Variants in SNX29 observed in about 807,000 individuals in gnomAD.
The protein encoded by SNX29 is sorting nexin 29.
SNX29 carries 78 observed loss-of-function variants against 102.1 expected under a neutral mutation model. The ratio of observed to expected loss-of-function variants is 0.76; its 90% CI spans 0.64 to 0.92. The LOEUF (loss-of-function observed/expected upper bound fraction) is 0.92. SNX29 is among the 40% of genes least tolerant of loss of function. The probability of loss-of-function intolerance (pLI) is 0.00; values close to 1 mark genes in which losing one functional copy is unlikely to be tolerated. For missense variants in SNX29, 1,280 were observed against 1,061.7 expected, an observed-to-expected ratio of 1.21 and a Z score of -2.86; for synonymous variants, 580 against 414.5, an observed-to-expected ratio of 1.40 and a Z score of -4.85.
intron 11 of SNX29, chr16:12,087,774 C>T: frequency 2.3e-6 from 1 of 444,122 alleles, no homozygotes; most frequent in South Asian, 1.6e-5. Flanking sequence ...CTCAGAGTCA[C>T]ACAGCCAAAC....
At chr16:12,512,625 A>G (rs965794179) in intron 19 of SNX29, among the ~76,000 whole-genome samples, 5 of 147,750 alleles carry the variant, frequency 3.4e-5, no homozygotes, top group Admixed American at 1.4e-4. Context: ...GGAGACGAGC[A>G]TCCCATGGAT....
chr16:12,555,796 C>G (rs1391894968), intron 20 of SNX29, among the ~76,000 whole-genome samples: 4 of 152,214 alleles, frequency 2.6e-5, no homozygotes, highest in Admixed American at 6.5e-5. Context: ...CAGGCACACT[C>G]CTGCCTGCCT....
intron 15 of SNX29, among the ~76,000 whole-genome samples, chr16:12,301,157 C>G (rs1330027850): frequency 1.3e-5 from 2 of 152,194 alleles, no homozygotes; most frequent in Non-Finnish European, 2.9e-5. Flanking sequence ...GAGTTACAGT[C>G]CCTTCTAAAA....
chr16:12,023,595 G>A (rs1268098088), intron 3 of SNX29, among the ~76,000 whole-genome samples: 13 of 144,172 alleles, frequency 9.0e-5, no homozygotes, highest in Non-Finnish European at 1.2e-4. Context: ...AAAAAGAAAA[G>A]AAAAGAAAAG....
At chr16:12,226,253 C>G (rs1596557339) in intron 14 of SNX29, among the ~76,000 whole-genome samples, 2 of 152,290 alleles carry the variant, frequency 1.3e-5, no homozygotes, top group Admixed American at 1.3e-4. Flanking sequence ...GATGTCGTAA[C>G]CAGCAGAGGC....
intron 20 of SNX29, among the ~76,000 whole-genome samples, chr16:12,549,932 C>G (rs967703948): frequency 1.3e-5 from 2 of 152,176 alleles, no homozygotes; most frequent in Admixed American, 1.3e-4. Flanking sequence ...TACCCTCCAC[C>G]TGTTTTTTAT....
intron 18 of SNX29, among the ~76,000 whole-genome samples, chr16:12,464,442 T>A (rs905403768): frequency 2.0e-5 from 3 of 151,970 alleles, no homozygotes; most frequent in African/African-American, 4.8e-5. Context: ...TATTTTAAAG[T>A]TTCATTTTAT....
intron 14 of SNX29, among the ~76,000 whole-genome samples, chr16:12,262,359 A>G (rs1293952781): frequency 6.6e-6 from 1 of 152,152 alleles, no homozygotes; most frequent in Non-Finnish European, 1.5e-5. Flanking sequence ...TCAGCTATCA[A>G]AATTTAAACT....
At chr16:12,147,194 C>A (rs1426960811) in intron 13 of SNX29, among the ~76,000 whole-genome samples, 1 of 152,212 alleles carries the variant, frequency 6.6e-6, no homozygotes, top group East Asian at 1.9e-4. Context: ...CAGATGTTCC[C>A]TGAAAAATCT....
At chr16:12,518,446 C>A (rs1013874724) in intron 19 of SNX29, among the ~76,000 whole-genome samples, 5 of 152,190 alleles carry the variant, frequency 3.3e-5, no homozygotes, top group South Asian at 2.1e-4. Context: ...GCATGCCCTT[C>A]CCCCACCCTC....
At chr16:12,167,082 T>G (rs13330729) in intron 13 of SNX29, among the ~76,000 whole-genome samples, 6 of 152,178 alleles carry the variant, frequency 3.9e-5, no homozygotes, top group African/African-American at 9.7e-5. Flanking sequence ...ATTTTGACTT[T>G]GTGGGGCATG....
chr16:12,154,610 G>A (rs758506778), intron 13 of SNX29, among the ~76,000 whole-genome samples: 15 of 152,144 alleles, frequency 9.9e-5, no homozygotes, highest in Non-Finnish European at 1.9e-4. Context: ...GCAGGTGACC[G>A]GCAGGTGCCT....
chr16:12,169,540 G>A (rs2076096234), intron 13 of SNX29, among the ~76,000 whole-genome samples: 1 of 152,140 alleles, frequency 6.6e-6, no homozygotes, highest in African/African-American at 2.4e-5. Flanking sequence ...CGTACTGTGT[G>A]AACAGGAGGG....
intron 20 of SNX29, among the ~76,000 whole-genome samples, chr16:12,542,282 A>C (rs1353778554): frequency 6.6e-6 from 1 of 152,098 alleles, no homozygotes; most frequent in Non-Finnish European, 1.5e-5. Context: ...GGAGAAATGG[A>C]GGAACTTGCC....
chr16:12,363,616 G>A (rs1362811659), intron 16 of SNX29, among the ~76,000 whole-genome samples: 2 of 152,324 alleles, frequency 1.3e-5, no homozygotes, highest in East Asian at 3.9e-4. Flanking sequence ...ACCATTCCCA[G>A]CATGTAGTAG....
intron 13 of SNX29, among the ~76,000 whole-genome samples, chr16:12,171,532 G>A (rs1300477348): frequency 2.0e-5 from 3 of 152,230 alleles, no homozygotes; most frequent in Admixed American, 6.5e-5. Context: ...TCTGGCTGTA[G>A]CTGTGTTCCA....
At chr16:12,129,556 G>A (rs887194090) in intron 12 of SNX29, 74 bp from the exon 13 acceptor site, 4 of 1,510,500 alleles carry the variant, frequency 2.6e-6, no homozygotes, top group African/African-American at 2.8e-5. Context: ...CTTGACTTAT[G>A]TTAGGAACTG....
intron 15 of SNX29, among the ~76,000 whole-genome samples, chr16:12,323,397 C>G (rs975733512): frequency 6.6e-6 from 1 of 151,988 alleles, no homozygotes; most frequent in Non-Finnish European, 1.5e-5. Flanking sequence ...AAAGTAAACT[C>G]ATTTGTAAAG....
chr16:12,159,891 A>C (rs1352770095), intron 13 of SNX29, among the ~76,000 whole-genome samples: 1 of 152,014 alleles, frequency 6.6e-6, no homozygotes, highest in Non-Finnish European at 1.5e-5. Context: ...CAATCACTGC[A>C]CTCTTTGTAG....
Sources: allele counts gnomAD v4.1 joint callset (sites outside exome capture counted in the v4.1 genomes callset), GRCh38; gene constraint gnomAD v4.1.1; transcripts MANE v1.5; gene names NCBI Gene and HGNC (gene_info 2026-07-23, HGNC 2026-07-21).